ATG7: variants seen among roughly 807,000 people sequenced by gnomAD.
The protein encoded by ATG7 is ubiquitin-like modifier-activating enzyme ATG7.
In ATG7, 70 loss-of-function variants were observed where a neutral mutation model predicts 82.4. The observed-to-expected ratio is 0.85, with a 90% CI of 0.70 to 1.04. The LOEUF (loss-of-function observed/expected upper bound fraction) is 1.04. Ranked by LOEUF, ATG7 falls within the 50% of genes least tolerant of loss-of-function variation. The pLI, the probability that ATG7 is intolerant of heterozygous loss-of-function variation, is 0.00. For missense variants in ATG7, 792 were observed against 864.3 expected, an observed-to-expected ratio of 0.92 and a Z score of 1.05; for synonymous variants, 287 against 313.0, an observed-to-expected ratio of 0.92 and a Z score of 0.88.
intron 13 of ATG7, among the ~76,000 whole-genome samples, chr3:11,345,059 T>C (rs1358115783): frequency 6.6e-6 from 1 of 152,154 alleles, no homozygotes; most frequent in Non-Finnish European, 1.5e-5. Flanking sequence ...TTATCTGTTC[T>C]TTGATGGTTA....
intron 11 of ATG7, among the ~76,000 whole-genome samples, chr3:11,340,251 G>A (rs1953310947): frequency 6.6e-6 from 1 of 151,988 alleles, no homozygotes; most frequent in South Asian, 2.1e-4. Flanking sequence ...AGTTACATTG[G>A]CTTGGCTTGC....
At chr3:11,323,757 TTCTTC>T (rs1950507877) in intron 9 of ATG7, among the ~76,000 whole-genome samples, 1 of 152,234 alleles carries the variant, frequency 6.6e-6, no homozygotes, top group Non-Finnish European at 1.5e-5. Flanking sequence ...GTTGGGCTCT[TTCTTC>T]ACTTAGTGAT....
chr3:11,414,633 C>T (rs1291145685), intron 19 of ATG7, among the ~76,000 whole-genome samples: 1 of 151,690 alleles, frequency 6.6e-6, no homozygotes, highest in Non-Finnish European at 1.5e-5. Context: ...GTTTTCTTGC[C>T]TTCTTGCCTT....
chr3:11,569,409 G>A, the ATG7 span, among the ~76,000 whole-genome samples: 1 of 152,200 alleles, frequency 6.6e-6, no homozygotes, highest in Non-Finnish European at 1.5e-5. Context: ...AAGAGATGAG[G>A]CCCAGGGCAG....
intron 20 of ATG7, among the ~76,000 whole-genome samples, chr3:11,519,965 T>A (rs1345111444): frequency 2.6e-5 from 4 of 152,134 alleles, no homozygotes; most frequent in South Asian, 2.1e-4. Context: ...TTTTTTGGGA[T>A]CTTACCACGG....
At chr3:11,552,603 C>G (rs563502319) in intron 20 of ATG7, among the ~76,000 whole-genome samples, 1 of 152,308 alleles carries the variant, frequency 6.6e-6, no homozygotes, top group Non-Finnish European at 1.5e-5. Flanking sequence ...TGGGACGAAG[C>G]CAGTGGAGAG....
chr3:11,360,774 C>T lies in ATG7; in HGVS notation c.1673C>T (p.Ala558Val). 6.2e-7 allele frequency: 1 copy of T among 1,614,106 alleles called. No homozygotes were observed. The highest frequency in any genetic ancestry group is 8.5e-7 in the Non-Finnish European group (1 of 1,179,988). The change falls in exon 16 of 21, where the codon GCC (alanine) becomes GTC (valine). Residue 558 changes from alanine (A) to valine (V), a missense_variant. Physicochemically the swap from Ala to Val is moderately conservative, Grantham distance 64. Coordinates refer to ENST00000693202, the MANE Select transcript of ATG7 (RefSeq NM_001349232.2). ...TGCTACTTCTGCAATGATGTGGTGG[C>T]CCCAGGAGATGTAAGTGGATTTCTC... ...LGCYFCNDVV[A>V]PGDSTRDRTL...
chr3:11,509,136 G>T (rs1048617121), intron 20 of ATG7, among the ~76,000 whole-genome samples: 2 of 151,828 alleles, frequency 1.3e-5, no homozygotes, highest in South Asian at 2.1e-4. Context: ...TCATGGGTTG[G>T]TTTTTTTTCT....
intron 20 of ATG7, among the ~76,000 whole-genome samples, chr3:11,469,673 G>A (rs879280323): frequency 2.0e-5 from 3 of 152,040 alleles, no homozygotes; most frequent in Admixed American, 2.0e-4. Flanking sequence ...CCCAGCTAAT[G>A]TCTTACAGGC....
At chr3:11,345,687 G>A (rs986528093) in intron 13 of ATG7, among the ~76,000 whole-genome samples, 1 of 150,698 alleles carries the variant, frequency 6.6e-6, no homozygotes, top group African/African-American at 2.4e-5. Context: ...CAGTTTTTTT[G>A]GAGCATTACT....
intron 7 of ATG7, among the ~76,000 whole-genome samples, chr3:11,311,904 A>G (rs1019691419): frequency 6.6e-6 from 1 of 151,352 alleles, no homozygotes; most frequent in Non-Finnish European, 1.5e-5. Context: ...ACATGATTAC[A>G]TATACATTTA....
At chr3:11,296,859 C>T (rs1031426296) in intron 3 of ATG7, among the ~76,000 whole-genome samples, 1 of 152,196 alleles carries the variant, frequency 6.6e-6, no homozygotes, top group African/African-American at 2.4e-5. Flanking sequence ...GGGCTCTGCC[C>T]CACATTCATC....
At chr3:11,299,546 C>T (rs779251227) in intron 5 of ATG7, 130 bp downstream of exon 5, 13 of 867,542 alleles carry the variant, frequency 1.5e-5, no homozygotes, top group South Asian at 7.3e-5. Context: ...GTCAGCCCCC[C>T]TCATGATTCT....
At chr3:11,558,751 C>T (rs752590399), downstream of ATG7, 58 of 1,614,178 alleles carry the variant, frequency 3.6e-5, 2 homozygotes, top group South Asian at 4.4e-4. Context: ...AGTTGGGTGC[C>T]GGCTCGGGCT....
chr3:11,475,907 A>ACACACC (rs766157655), intron 20 of ATG7, among the ~76,000 whole-genome samples: 69 of 146,326 alleles, frequency 4.7e-4, no homozygotes, highest in South Asian at 7.2e-4. Context: ...ACACACACAC[A>ACACACC]CCCCCTCCCA....
chr3:11,345,005 C>T lies in ATG7; in HGVS notation c.1125+2726C>T, dbSNP rs138947730. On this transcript the variant is annotated intron_variant, in intron 13 of 20. Transcript: ENST00000693202. ...CTAGCTTTATAAAATAAACTTAAAA[C>T]GTTCTGCCTTTTTCTAAGTTCCAGA... Among the ~76,000 whole-genome samples, 197 of 152,276 alleles carry T rather than the reference C, an allele frequency of 1.3e-3. 1 individual carries two copies. The highest frequency in any genetic ancestry group is 6.8e-3 in the Middle Eastern group (2 of 294).
intron 19 of ATG7, among the ~76,000 whole-genome samples, chr3:11,408,089 T>A (rs972535295): frequency 2.0e-5 from 3 of 152,254 alleles, no homozygotes; most frequent in African/African-American, 7.2e-5. Context: ...CTTTTGAAAC[T>A]GAATGCCTTT....
At chr3:11,520,718 C>G (rs769226418) in intron 20 of ATG7, among the ~76,000 whole-genome samples, 1 of 152,214 alleles carries the variant, frequency 6.6e-6, no homozygotes. Context: ...GTCTCACAGT[C>G]ATTCTGTGGA....
chr3:11,473,910 T>G (rs2087825933), intron 20 of ATG7, among the ~76,000 whole-genome samples: 1 of 152,228 alleles, frequency 6.6e-6, no homozygotes, highest in African/African-American at 2.4e-5. Flanking sequence ...TGTGCATACG[T>G]TCAAACCTCA....
Sources: allele counts gnomAD v4.1 joint callset (sites outside exome capture counted in the v4.1 genomes callset), GRCh38; gene constraint gnomAD v4.1.1; transcripts MANE v1.5; gene names NCBI Gene and HGNC (gene_info 2026-07-23, HGNC 2026-07-21).